The following PCDH15 variants were observed in gnomAD, a reference collection of about 807,000 sequenced individuals.
PCDH15 encodes protocadherin related 15, also known as protocadherin-15.
In PCDH15, 129 loss-of-function variants were observed where a neutral mutation model predicts 178.5. The observed-to-expected ratio is 0.72, with a 90% CI of 0.63 to 0.84. PCDH15 has a LOEUF of 0.84. Among genes scored for constraint, PCDH15 ranks in the 40% least tolerant of loss-of-function variants. PCDH15 has a pLI of 0.00. For missense variants in PCDH15, 2,230 were observed against 2,099.9 expected (o/e 1.06, Z -1.21); for synonymous variants, 800 against 732.0 (o/e 1.09, Z -1.50).
intron 9 of PCDH15, among the ~76,000 whole-genome samples, chr10:54,216,629 T>C (rs558856773): frequency 2.0e-5 from 3 of 152,192 alleles, no homozygotes; most frequent in East Asian, 1.9e-4. Context: ...TTAGCAGTTG[T>C]CCCAGTTGGA....
At chr10:54,406,244 A>G (rs1952651027) in intron 3 of PCDH15, among the ~76,000 whole-genome samples, 1 of 152,096 alleles carries the variant, frequency 6.6e-6, no homozygotes, top group African/African-American at 2.4e-5. Context: ...TAAATAAATG[A>G]ATTAGTTGCA....
intron 2 of PCDH15, among the ~76,000 whole-genome samples, chr10:55,495,657 T>C (rs1589081112): frequency 6.6e-6 from 1 of 151,872 alleles, no homozygotes; most frequent in East Asian, 1.9e-4. Context: ...TGTAAAAGAT[T>C]ACAGGTTCTT....
intron 2 of PCDH15, among the ~76,000 whole-genome samples, chr10:55,626,649 T>C (rs1837535986): frequency 6.6e-6 from 1 of 152,182 alleles, no homozygotes; most frequent in South Asian, 2.1e-4. Flanking sequence ...TTCAAAAATA[T>C]TGTTTGCCAA....
intron 3 of PCDH15, among the ~76,000 whole-genome samples, chr10:54,864,474 T>C (rs1328126835): frequency 2.0e-5 from 3 of 151,952 alleles, no homozygotes; most frequent in African/African-American, 7.3e-5. Context: ...TACAGAAAAA[T>C]ACAGGGAAAC....
At chr10:54,407,556 A>G (rs1346152848) in intron 3 of PCDH15, among the ~76,000 whole-genome samples, 7 of 152,006 alleles carry the variant, frequency 4.6e-5, no homozygotes, top group African/African-American at 1.7e-4. Context: ...AGCATTTGTC[A>G]CATGTTTTTG....
Position 54,451,483 on chromosome 10 carries a change from G to A in PCDH15, c.158-72541C>T, listed in dbSNP as rs147739338. 4.2e-3 allele frequency among the ~76,000 whole-genome samples: 634 copies of A among 151,976 alleles called. 7 individuals are homozygous for A. Among genetic ancestry groups the A allele is most frequent in the African/African-American group, 0.014 (580 of 41,526 alleles). On this transcript the variant is annotated intron_variant, in intron 3 of 37. Coordinates refer to ENST00000644397, the MANE Select transcript of PCDH15 (RefSeq NM_001384140.1). Reference sequence around the variant, plus strand: ...TTTTGTTTATACAATAAGCATCTGCGTTTTGGAAAGTTAAACTAAAAATTA... The same window carrying A: ...TTTTGTTTATACAATAAGCATCTGCATTTTGGAAAGTTAAACTAAAAATTA...
intron 2 of PCDH15, among the ~76,000 whole-genome samples, chr10:55,327,170 T>C (rs1421681133): frequency 6.6e-6 from 1 of 152,072 alleles, no homozygotes; most frequent in South Asian, 2.1e-4. Flanking sequence ...ACCCCAGCAA[T>C]ATATCTGGCC....
At chr10:54,419,869 C>T (rs1454475901) in intron 3 of PCDH15, among the ~76,000 whole-genome samples, 1 of 151,928 alleles carries the variant, frequency 6.6e-6, no homozygotes, top group Admixed American at 6.6e-5. Context: ...ACAAAAGGAA[C>T]CTGAATAGAG....
chr10:54,074,462 G>A (rs924087787), intron 17 of PCDH15, among the ~76,000 whole-genome samples: 1 of 152,116 alleles, frequency 6.6e-6, no homozygotes, highest in East Asian at 1.9e-4. Flanking sequence ...TTTTGTGACT[G>A]GCTAATCTCA....
chr10:55,569,416 T>C (rs1038694047), intron 2 of PCDH15, among the ~76,000 whole-genome samples: 1 of 152,020 alleles, frequency 6.6e-6, no homozygotes, highest in African/African-American at 2.4e-5. Flanking sequence ...CCATACTCTG[T>C]CCACTTCTAG....
At chr10:55,201,226 G>A (rs570841509) in intron 1 of PCDH15, among the ~76,000 whole-genome samples, 2 of 152,142 alleles carry the variant, frequency 1.3e-5, no homozygotes, top group East Asian at 3.9e-4. Flanking sequence ...ACAAGGTAAA[G>A]AAGACCTCCA....
intron 2 of PCDH15, among the ~76,000 whole-genome samples, chr10:55,347,610 A>G (rs1844797747): frequency 1.3e-5 from 2 of 152,152 alleles, no homozygotes; most frequent in African/African-American, 4.8e-5. Flanking sequence ...TAAATTAATT[A>G]CCCTAGGGCA....
intron 1 of PCDH15, among the ~76,000 whole-genome samples, chr10:54,713,338 T>C (rs756546403): frequency 6.6e-6 from 1 of 151,938 alleles, no homozygotes; most frequent in Admixed American, 6.6e-5. Flanking sequence ...CTTACATGAG[T>C]CATTGTACAA....
chr10:54,829,295 T>A (rs1429175302), intron 3 of PCDH15, among the ~76,000 whole-genome samples: 3 of 151,920 alleles, frequency 2.0e-5, no homozygotes, highest in Non-Finnish European at 2.9e-5. Context: ...AGATTCTCAT[T>A]CTAAAGCTGT....
intron 1 of PCDH15, among the ~76,000 whole-genome samples, chr10:54,682,956 G>A (rs1459237881): frequency 6.6e-6 from 1 of 152,040 alleles, no homozygotes; most frequent in Non-Finnish European, 1.5e-5. Context: ...TGGAAGTGTT[G>A]CTCAGGGAAA....
intron 2 of PCDH15, among the ~76,000 whole-genome samples, chr10:55,350,612 T>C (rs1844899282): frequency 6.6e-6 from 1 of 151,954 alleles, no homozygotes; most frequent in Non-Finnish European, 1.5e-5. Flanking sequence ...GAGCATTCTG[T>C]TCATCGAAGA....
chr10:54,346,577 A>C (rs1401596450), intron 5 of PCDH15, 93 bp from the exon 6 acceptor site: 1 of 1,459,692 alleles, frequency 6.9e-7, no homozygotes, highest in Non-Finnish European at 9.5e-7. Context: ...TTATTACCTA[A>C]AGGAAGATAC....
chr10:54,538,383 T>C (rs1316759028), intron 2 of PCDH15, among the ~76,000 whole-genome samples: 1 of 152,210 alleles, frequency 6.6e-6, no homozygotes, highest in East Asian at 1.9e-4. Context: ...TCCCCATTCC[T>C]TATTTTTGTC....
At position 54,950,007 on chromosome 10, in the gene PCDH15, T is replaced by C. The variant is rs1300937163; in HGVS notation, c.-79-52507A>G. Among the ~76,000 whole-genome samples, 4 of 151,992 alleles carry C rather than the reference T, an allele frequency of 2.6e-5. No individual in the cohort carries two copies. In the East Asian group the frequency reaches 7.7e-4, roughly 29 times the overall value. On this transcript the variant is annotated intron_variant, in intron 2 of 5. Coordinates refer to the PCDH15 transcript ENST00000458638. ...TCTTCTTCTGAGCCCTCCAAACTGT[T>C]CCAACCTCTGCCTCTTACCAAGTTC...
Sources: allele counts gnomAD v4.1 joint callset (sites outside exome capture counted in the v4.1 genomes callset), GRCh38; gene constraint gnomAD v4.1.1; transcripts MANE v1.5; gene names NCBI Gene and HGNC (gene_info 2026-07-23, HGNC 2026-07-21).